Variants in IL2RB observed in about 807,000 individuals in gnomAD.
IL2RB encodes interleukin-2 receptor subunit beta.
A neutral mutation model predicts 44.2 loss-of-function variants in IL2RB; 17 were observed. That is an observed-to-expected ratio of 0.38 (90% CI 0.26 to 0.58). IL2RB has a LOEUF of 0.58. Ranked by LOEUF, IL2RB falls within the 20% of genes least tolerant of loss-of-function variation. IL2RB has a pLI of 0.63. For missense variants in IL2RB, 624 were observed against 685.5 expected, an observed-to-expected ratio of 0.91 and a Z score of 1.00; for synonymous variants, 286 against 297.9, an observed-to-expected ratio of 0.96 and a Z score of 0.41.
In IL2RB at chr22:37,128,181, G is replaced by T. The variant is rs1308222032; in HGVS notation, c.1571C>A (p.Ala524Asp). The change falls in exon 10 of 10, where the codon GCC becomes GAC. Residue 524 changes from alanine to aspartate, a missense_variant. Around this residue, in one of 3 missense-constraint regions of IL2RB, gnomAD observed 291 missense variants for 275.5 expected, o/e 1.06. Coordinates refer to ENST00000216223, the MANE Select transcript of IL2RB (RefSeq NM_000878.5). The surrounding 1 kb of genome is among the most constrained non-coding windows in gnomAD (Gnocchi z 4.5). ...GTTCAGGGGCAGGCGAGCATTAAGG[G>T]CCCTGAACTCCCCCTGCCCAGGAGG... ...SRPPGQGEFR[A>D]LNARLPLNTD... 2.9e-5 allele frequency: 45 copies of T among 1,549,370 alleles called. No homozygotes were observed. The highest frequency in any genetic ancestry group is 3.8e-5 in the Non-Finnish European group (44 of 1,153,998).
intron 1 of IL2RB, among the ~76,000 whole-genome samples, chr22:37,155,672 A>G (rs1336560275): frequency 6.6e-6 from 1 of 152,252 alleles, no homozygotes; most frequent in Non-Finnish European, 1.5e-5. Context: ...GATGTAATCC[A>G]GAAGCTTCTC....
intron 2 of IL2RB, 47 bp from the exon 3 acceptor site, chr22:37,143,682 C>A (rs771889176): frequency 2.2e-6 from 3 of 1,352,684 alleles, no homozygotes; most frequent in South Asian, 1.2e-5. Flanking sequence ...GTGCCCACAG[C>A]CCCCCCAAGA....
intron 9 of IL2RB, among the ~76,000 whole-genome samples, chr22:37,131,169 AAAAT>A (rs143390835): frequency 0.58 from 87,746 of 150,770 alleles, 25,824 homozygotes; most frequent in East Asian, 0.84. Context: ...TCCATCTCAA[AAAAT>A]AAATAAATAA....
At chr22:37,164,274 G>A (rs148170445) in intron 1 of IL2RB, among the ~76,000 whole-genome samples, 18 of 152,170 alleles carry the variant, frequency 1.2e-4, no homozygotes, top group Middle Eastern at 3.4e-3. Flanking sequence ...CAGGCGTCAG[G>A]GCCCAGAAGA....
chr22:37,161,636 C>T (rs1427969271), intron 1 of IL2RB, among the ~76,000 whole-genome samples: 3 of 151,060 alleles, frequency 2.0e-5, no homozygotes, highest in African/African-American at 7.3e-5. Context: ...GCCTCAGTTC[C>T]AGACCACAGG....
In IL2RB at chr22:37,149,870, CCCGGTGCTGGGA is replaced by C. The variant is rs1922402713; in HGVS notation, c.-91_-80del. ...TGGCAGCGCGCGCTCTCCAGTCCTC[CCCGGTGCTGGGA>C]CCGTGGCCATCTCTCCAGGGCCCTG... On this transcript the variant is annotated 5_prime_UTR_variant, in exon 1 of 10. Coordinates refer to ENST00000216223, the MANE Select transcript of IL2RB (RefSeq NM_000878.5). The C allele has an allele frequency of 1.0e-6, 1 of 985,602 alleles. No individual in the cohort carries two copies. The highest frequency in any genetic ancestry group is 6.1e-5 in the Admixed American group (1 of 16,270). 61.1% of individuals were successfully genotyped at this position (985,602 alleles called of 1,614,324 possible). A position where few individuals can be genotyped will look rare whatever the true frequency, so the allele number is the denominator to read the frequency against.
In IL2RB at chr22:37,142,413, C is replaced by T. The variant is rs775061988; in HGVS notation, c.282+21G>A. 12 of 1,610,968 alleles carry T rather than the reference C, an allele frequency of 7.4e-6. No individual in the cohort carries two copies. In the Admixed American group the frequency reaches 1.7e-4, roughly 22 times the overall value. ...GGAGACCACCCTCTCCCTGCACTCT[C>T]TCCCTGGGTGGGCTACTCACATCTG... On this transcript the variant is annotated intron_variant, in intron 4 of 9. Transcript: ENST00000216223.
At chr22:37,154,866 G>A (rs761595642), upstream of IL2RB, among the ~76,000 whole-genome samples, 22 of 152,026 alleles carry the variant, frequency 1.4e-4, no homozygotes, top group Non-Finnish European at 2.9e-5. Flanking sequence ...TAGCCACCAC[G>A]GCCGGCCATC....
intron 2 of IL2RB, 69 bp from the exon 3 acceptor site, chr22:37,143,704 C>A: frequency 1.8e-6 from 2 of 1,106,306 alleles, no homozygotes; most frequent in Non-Finnish European, 2.8e-6. Context: ...ACGCCCACTG[C>A]CCCTGCACCT....
Position 37,146,804 on chromosome 22 carries a change from C to A in IL2RB, c.-33-2599G>T, listed in dbSNP as rs372546776. Among the ~76,000 whole-genome samples, 93 of 150,738 alleles carry A rather than the reference C, an allele frequency of 6.2e-4. 2 individuals are homozygous for A. In the South Asian group the frequency reaches 0.017, roughly 28 times the overall value. ...TGAAATGAATGAGTGTGGTCAGAGG[C>A]CTCAGTACGGCAAAAAAAAAAAAGC... On this transcript the variant is annotated intron_variant, in intron 1 of 9. Coordinates refer to ENST00000216223, the MANE Select transcript of IL2RB (RefSeq NM_000878.5).
At chr22:37,172,565 G>A (rs1168463704) in intron 1 of IL2RB, among the ~76,000 whole-genome samples, 1 of 152,194 alleles carries the variant, frequency 6.6e-6, no homozygotes, top group Non-Finnish European at 1.5e-5. Context: ...GGAGAAGAGG[G>A]GAACTTGTGA....
intron 4 of IL2RB, among the ~76,000 whole-genome samples, chr22:37,140,698 G>T (rs574871947): frequency 6.6e-6 from 1 of 152,176 alleles, no homozygotes; most frequent in Non-Finnish European, 1.5e-5. Flanking sequence ...GATGTGGTCC[G>T]GGTGTCCTTG....
At chr22:37,164,763 G>T (rs111733361) in intron 1 of IL2RB, among the ~76,000 whole-genome samples, 8 of 152,280 alleles carry the variant, frequency 5.3e-5, no homozygotes, top group Non-Finnish European at 8.8e-5. Flanking sequence ...CACCAGGAAT[G>T]CAGAGGGCAG....
intron 1 of IL2RB, among the ~76,000 whole-genome samples, chr22:37,148,482 C>T (rs1474714238): frequency 6.6e-6 from 1 of 152,132 alleles, no homozygotes; most frequent in Non-Finnish European, 1.5e-5. Context: ...CTGGTCACAC[C>T]CACGGATGCC....
intron 1 of IL2RB, among the ~76,000 whole-genome samples, chr22:37,171,910 T>G (rs191661427): frequency 2.0e-5 from 3 of 152,344 alleles, no homozygotes; most frequent in African/African-American, 7.2e-5. Flanking sequence ...TTGAGCTCGC[T>G]ACTCTTGCAC....
intron 8 of IL2RB, among the ~76,000 whole-genome samples, 155 bp from the exon 9 acceptor site, chr22:37,132,623 C>T (rs539213656): frequency 9.3e-4 from 141 of 152,310 alleles, no homozygotes; most frequent in South Asian, 5.4e-3. Flanking sequence ...TGTGGGAGGA[C>T]GCTGTGTTGG....
chr22:37,142,793 C>G lies in IL2RB; in HGVS notation c.204-281G>C, dbSNP rs1457964943. The G allele has an allele frequency of 7.0e-6, 4 of 572,358 alleles. No homozygotes were observed. In the East Asian group the frequency reaches 1.3e-4, roughly 18 times the overall value. The allele number at this position is 572,358 out of a possible 1,614,324, so 35.5% of individuals were successfully genotyped here. A position where few individuals can be genotyped will look rare whatever the true frequency, so the allele number is the denominator to read the frequency against. On this transcript the variant is annotated intron_variant, in intron 3 of 9. Coordinates refer to ENST00000216223, the MANE Select transcript of IL2RB (RefSeq NM_000878.5). ...CTTCAAGACAGGCAGTCCTCCCCAC[C>G]TAGAGCCCTCCAAAGCTCCATGAGG...
intron 1 of IL2RB, among the ~76,000 whole-genome samples, chr22:37,149,578 G>A (rs1448014480): frequency 2.0e-5 from 3 of 152,184 alleles, no homozygotes; most frequent in Non-Finnish European, 4.4e-5. Flanking sequence ...GCAGTCCCTA[G>A]CCTCCCCTGA....
intron 1 of IL2RB, among the ~76,000 whole-genome samples, chr22:37,147,329 A>AG (rs974878018): frequency 3.3e-5 from 5 of 152,236 alleles, no homozygotes; most frequent in Admixed American, 2.0e-4. Context: ...AATCTGAGTC[A>AG]GGGCAGACTG....
Sources: gnomAD v4.1 joint callset for allele counts (sites outside exome capture counted in the v4.1 genomes callset) on GRCh38, gnomAD v4.1.1 for gene constraint, gnomAD v4.1.1 regional missense constraint, Gnocchi (gnomAD v3.1) non-coding constraint, MANE v1.5 for transcripts, NCBI Gene and HGNC (gene_info 2026-07-23, HGNC 2026-07-21) for gene names.